The following PAK1 variants were observed in gnomAD, a reference collection of about 807,000 sequenced individuals.
PAK1 encodes the protein p21 (RAC1) activated kinase 1.
Under a neutral mutation model 67.4 loss-of-function variants are expected in PAK1, and 29 were observed. That is an observed-to-expected ratio of 0.43 (90% CI 0.32 to 0.59). The LOEUF is 0.59. Ranked by LOEUF, PAK1 falls within the 20% of genes least tolerant of loss-of-function variation. The pLI, the probability that PAK1 is intolerant of heterozygous loss-of-function variation, is 0.07. For missense variants in PAK1, 337 were observed against 670.7 expected (o/e 0.50, Z 5.50); for synonymous variants, 223 against 237.4 (o/e 0.94, Z 0.56).
chr11:77,499,039 T>A, the PAK1 span, among the ~76,000 whole-genome samples: 1 of 151,756 alleles, frequency 6.6e-6, no homozygotes, highest in African/African-American at 2.4e-5. Context: ...ATTTTTTTTA[T>A]ACATAGAAGT....
chr11:77,422,142 A>G (rs975472791), intron 1 of PAK1, among the ~76,000 whole-genome samples: 2 of 152,218 alleles, frequency 1.3e-5, no homozygotes, highest in Non-Finnish European at 2.9e-5. Context: ...AAGGTAGTAT[A>G]TATCTCCTCA....
chr11:77,445,896 G>A (rs1177368944), intron 1 of PAK1, among the ~76,000 whole-genome samples: 2 of 151,954 alleles, frequency 1.3e-5, no homozygotes, highest in African/African-American at 4.8e-5. Flanking sequence ...TGATTTACAG[G>A]GCTCCTTCTC....
At chr11:77,434,081 G>A (rs1337166850) in intron 1 of PAK1, among the ~76,000 whole-genome samples, 2 of 152,112 alleles carry the variant, frequency 1.3e-5, no homozygotes, top group African/African-American at 4.8e-5. Flanking sequence ...CAGTCAGGTA[G>A]TTCCTCAAAA....
chr11:77,368,546 CA>C (rs1302712504), intron 5 of PAK1, among the ~76,000 whole-genome samples: 1 of 152,086 alleles, frequency 6.6e-6, no homozygotes, highest in Non-Finnish European at 1.5e-5. Flanking sequence ...AATACCAACA[CA>C]AAAATGCAAA....
chr11:77,409,264 C>G (rs937675220), intron 1 of PAK1, among the ~76,000 whole-genome samples: 1 of 152,042 alleles, frequency 6.6e-6, no homozygotes, highest in Non-Finnish European at 1.5e-5. Context: ...GAGCAAGACC[C>G]TGTCTCAAGA....
At chr11:77,481,057 T>G in the PAK1 span, among the ~76,000 whole-genome samples, 1 of 152,228 alleles carries the variant, frequency 6.6e-6, no homozygotes, top group Non-Finnish European at 1.5e-5. Context: ...CTTTTGCCCT[T>G]GTACATGTTC....
chr11:77,361,484 C>T (rs139731973), intron 5 of PAK1, among the ~76,000 whole-genome samples: 156 of 152,102 alleles, frequency 1.0e-3, no homozygotes, highest in Non-Finnish European at 1.7e-3. Context: ...GTCAGAGAGG[C>T]GGTAATAAAA....
At chr11:77,332,888 T>C in intron 13 of PAK1, 21 bp from the exon 14 acceptor site, 1 of 1,612,054 alleles carries the variant, frequency 6.2e-7, no homozygotes, top group South Asian at 1.1e-5. Context: ...AAATGGTGAA[T>C]CACCTTGAGC....
At chr11:77,501,086 G>A in the PAK1 span, among the ~76,000 whole-genome samples, 2 of 151,956 alleles carry the variant, frequency 1.3e-5, no homozygotes, top group African/African-American at 4.8e-5. Context: ...AGGAGGCGGA[G>A]GTTGCAGTGA....
At chr11:77,465,999 G>C (rs17135691) in intron 1 of PAK1, among the ~76,000 whole-genome samples, 2,122 of 152,178 alleles carry the variant, frequency 0.014, 42 homozygotes, top group African/African-American at 0.049. Context: ...CAGGTAATTG[G>C]AGAACCAAGA....
chr11:77,363,502 C>T (rs984524472), intron 5 of PAK1, among the ~76,000 whole-genome samples: 1 of 152,172 alleles, frequency 6.6e-6, no homozygotes, highest in Non-Finnish European at 1.5e-5. Flanking sequence ...TCAAAAAGTT[C>T]TTTCCATTAA....
the PAK1 span, among the ~76,000 whole-genome samples, chr11:77,484,733 T>C: frequency 1.3e-5 from 2 of 152,246 alleles, no homozygotes; most frequent in Non-Finnish European, 2.9e-5. Context: ...CTCACTTGTT[T>C]GTGGGAGCTA....
chr11:77,451,555 T>C (rs1592524508), intron 1 of PAK1, among the ~76,000 whole-genome samples: 4 of 152,214 alleles, frequency 2.6e-5, no homozygotes, highest in African/African-American at 9.6e-5. Flanking sequence ...GTAAAACTTG[T>C]ATTAAATATA....
At chr11:77,374,657 T>A (rs1037571113) in intron 4 of PAK1, among the ~76,000 whole-genome samples, 5 of 152,178 alleles carry the variant, frequency 3.3e-5, no homozygotes, top group Non-Finnish European at 1.5e-5. Context: ...TTCTGTGAAA[T>A]GTGTCATCAG....
intron 1 of PAK1, among the ~76,000 whole-genome samples, chr11:77,434,330 C>T (rs981274391): frequency 4.6e-5 from 7 of 151,996 alleles, no homozygotes; most frequent in Non-Finnish European, 8.8e-5. Context: ...AACAGAATTC[C>T]ATACAATAGA....
the PAK1 span, among the ~76,000 whole-genome samples, chr11:77,516,636 G>GTTAA: frequency 6.6e-6 from 1 of 152,068 alleles, no homozygotes; most frequent in African/African-American, 2.4e-5. Flanking sequence ...ATTAATAAAT[G>GTTAA]TTAATTGAAT....
chr11:77,405,670 GACAGACAC>G lies in PAK1; in HGVS notation c.-21-13137_-21-13130del, dbSNP rs1361673559. 8.0e-3 allele frequency among the ~76,000 whole-genome samples: 1,005 copies of G among 125,586 alleles called. 7 individuals carry two copies. The highest frequency in any genetic ancestry group is 0.013 in the Admixed American group (160 of 12,028). The allele number at this position is 125,586 out of a possible 152,430, so 82.4% of individuals were successfully genotyped here. On this transcript the variant is annotated intron_variant, in intron 1 of 14. Transcript: ENST00000356341. ...CTATTCAAAGACAGACAGACAGACA[GACAGACAC>G]ACACACACACACACACACACACACA...
chr11:77,499,119 G>A, the PAK1 span, among the ~76,000 whole-genome samples: 280 of 145,780 alleles, frequency 1.9e-3, 1 homozygote, highest in African/African-American at 7.2e-3. Context: ...ATTAATGAGT[G>A]ATACCCACTC....
chr11:77,460,146 A>G (rs1397670003), intron 1 of PAK1, among the ~76,000 whole-genome samples: 5 of 145,868 alleles, frequency 3.4e-5, no homozygotes, highest in African/African-American at 1.3e-4. Flanking sequence ...ACTTTCTCAA[A>G]CTCTGTAGAA....
Sources: allele counts gnomAD v4.1 joint callset (sites outside exome capture counted in the v4.1 genomes callset), GRCh38; gene constraint gnomAD v4.1.1; transcripts MANE v1.5; gene names NCBI Gene and HGNC (gene_info 2026-07-23, HGNC 2026-07-21).